ADGRB1: variants seen among roughly 807,000 people sequenced by gnomAD.
ADGRB1 encodes brain-specific angiogenesis inhibitor 1.
Under a neutral mutation model 175.7 loss-of-function variants are expected in ADGRB1, and 36 were observed. The ratio of observed to expected loss-of-function variants is 0.20; its 90% CI spans 0.16 to 0.27. ADGRB1 has a LOEUF of 0.27. ADGRB1 is among the 10% of genes least tolerant of loss of function. ADGRB1 has a pLI of 1.00. For missense variants in ADGRB1, 1,731 were observed against 2,255.3 expected (o/e 0.77, Z 4.71); for synonymous variants, 1,054 against 979.4 (o/e 1.08, Z -1.42).
chr8:142,479,873 C>T, intron 9 of ADGRB1, 79 bp downstream of exon 9: 1 of 1,429,626 alleles, frequency 7.0e-7, no homozygotes, highest in Non-Finnish European at 9.5e-7. Context: ...GTGCTGTCAG[C>T]ACTGGGAGGC....
intron 1 of ADGRB1, among the ~76,000 whole-genome samples, chr8:142,462,648 C>T (rs1049017177): frequency 6.6e-6 from 1 of 152,244 alleles, no homozygotes; most frequent in African/African-American, 2.4e-5. Context: ...GCCTGGGCAG[C>T]AGGAAGCGGC....
At position 142,511,044 on chromosome 8, in the gene ADGRB1, G is replaced by T; in HGVS notation, c.2788G>T (p.Ala930Ser). 2 of 1,291,576 alleles carry T rather than the reference G, an allele frequency of 1.5e-6. No homozygotes were observed. The highest frequency in any genetic ancestry group is 2.0e-6 in the Non-Finnish European group (2 of 1,001,546). 80.0% of individuals were successfully genotyped at this position (1,291,576 alleles called of 1,614,324 possible). The change falls in exon 18 of 31, where the codon GCC becomes TCC. Residue 930 changes from alanine to serine, a missense_variant. This residue lies in a region of ADGRB1 where 77 missense variants were observed against 71.6 expected (regional missense o/e 1.08). Transcript: ENST00000517894. The surrounding 1 kb of genome is among the most constrained non-coding windows in gnomAD (Gnocchi z 4.5). ...CCTCTGTGACCGGCTCTCCACCTTC[G>T]CCATCTTAGCCCAGCTCAGCGCCGA... is the stretch of plus-strand genomic sequence containing the variant. ...RCLCDRLSTF[A>S]ILAQLSADAN...
At chr8:142,454,169 GCA>G (rs1284211575) in intron 1 of ADGRB1, among the ~76,000 whole-genome samples, 1 of 152,162 alleles carries the variant, frequency 6.6e-6, no homozygotes, top group African/African-American at 2.4e-5. Context: ...GAGGCTGAGT[GCA>G]CAGCCTGTTG....
intron 1 of ADGRB1, among the ~76,000 whole-genome samples, chr8:142,463,524 G>GT (rs1340421575): frequency 6.6e-6 from 1 of 152,264 alleles, no homozygotes; most frequent in African/African-American, 2.4e-5. Flanking sequence ...AAGGAGGAAG[G>GT]TTAGAGAGGA....
At chr8:142,518,694 T>G (rs999275594) in intron 19 of ADGRB1, among the ~76,000 whole-genome samples, 2 of 152,240 alleles carry the variant, frequency 1.3e-5, no homozygotes, top group African/African-American at 4.8e-5. Context: ...AGTGGGTTTT[T>G]GGGGCCACCC....
chr8:142,458,344 G>T (rs2131639341), intron 1 of ADGRB1, among the ~76,000 whole-genome samples: 1 of 152,304 alleles, frequency 6.6e-6, no homozygotes, highest in East Asian at 1.9e-4. Context: ...CGTGTGTGCA[G>T]TCTGCACAGG....
chr8:142,517,858 C>T (rs1409160708), intron 18 of ADGRB1, among the ~76,000 whole-genome samples: 1 of 152,202 alleles, frequency 6.6e-6, no homozygotes, highest in Admixed American at 6.5e-5. Flanking sequence ...GACATGATGG[C>T]AGCAAAGACT....
In ADGRB1 at chr8:142,544,813, C is replaced by A; in HGVS notation, c.*396C>A. ...CCGGCCTGGCACCGTTTTTTAAACA[C>A]CCCCATCCCTCGGGAAGCAGCCAGC... On this transcript the variant is annotated 3_prime_UTR_variant, in exon 31 of 31. Coordinates refer to ENST00000517894, the MANE Select transcript of ADGRB1 (RefSeq NM_001702.3). 1 of 159,786 alleles carries A rather than the reference C, an allele frequency of 6.3e-6. No individual in the cohort carries two copies. The highest frequency in any genetic ancestry group is 1.4e-5 in the Non-Finnish European group (1 of 73,282). 9.9% of individuals were successfully genotyped at this position (159,786 alleles called of 1,614,324 possible).
intron 1 of ADGRB1, among the ~76,000 whole-genome samples, chr8:142,454,296 A>G (rs1319124741): frequency 1.3e-5 from 2 of 152,162 alleles, no homozygotes; most frequent in African/African-American, 4.8e-5. Flanking sequence ...CCCCGGTGTG[A>G]GGTGCAGGCA....
At chr8:142,499,999 G>A (rs1398701794) in intron 17 of ADGRB1, among the ~76,000 whole-genome samples, 1 of 151,842 alleles carries the variant, frequency 6.6e-6, no homozygotes, top group Non-Finnish European at 1.5e-5. Flanking sequence ...CATCTCAGCC[G>A]GCCCTAGTCC....
intron 13 of ADGRB1, among the ~76,000 whole-genome samples, chr8:142,487,791 C>A (rs1011104606): frequency 3.9e-5 from 6 of 152,236 alleles, no homozygotes; most frequent in Non-Finnish European, 5.9e-5. Context: ...CCCTTCCGCA[C>A]CCCCAATGCC....
intron 13 of ADGRB1, among the ~76,000 whole-genome samples, chr8:142,487,871 T>C (rs1161686731): frequency 6.6e-6 from 1 of 152,222 alleles, no homozygotes; most frequent in Non-Finnish European, 1.5e-5. Flanking sequence ...CTTTGATGCC[T>C]GAGCCCTGAG....
At chr8:142,499,836 T>A (rs1842405246) in intron 17 of ADGRB1, among the ~76,000 whole-genome samples, 2 of 152,188 alleles carry the variant, frequency 1.3e-5, no homozygotes, top group Admixed American at 1.3e-4. Context: ...GTGCCGGGCC[T>A]TCTGCCAGGA....
intron 18 of ADGRB1, among the ~76,000 whole-genome samples, chr8:142,513,722 G>C (rs567777303): frequency 3.0e-4 from 45 of 152,180 alleles, no homozygotes; most frequent in Non-Finnish European, 5.1e-4. Context: ...CGGGGCTGAG[G>C]CTTGAAGTGG....
At chr8:142,478,895 C>A (rs1187416146) in intron 7 of ADGRB1, among the ~76,000 whole-genome samples, 1 of 124,056 alleles carries the variant, frequency 8.1e-6, no homozygotes, top group African/African-American at 3.2e-5. Context: ...CTTGGGGTAT[C>A]CATGGGGAAG....
At chr8:142,469,543 A>G (rs546939582) in intron 2 of ADGRB1, among the ~76,000 whole-genome samples, 5 of 93,556 alleles carry the variant, frequency 5.3e-5, no homozygotes, top group African/African-American at 2.1e-4. Context: ...ATGTGAGTGT[A>G]TGCACGTGCA....
intron 17 of ADGRB1, among the ~76,000 whole-genome samples, chr8:142,509,341 GT>G (rs374746428): frequency 8.4e-4 from 128 of 152,334 alleles, no homozygotes; most frequent in African/African-American, 3.0e-3. Context: ...GCAAGAGGTG[GT>G]ATAGGTAACT....
chr8:142,488,652 C>T (rs1563704901), intron 14 of ADGRB1, 145 bp downstream of exon 14: 5 of 1,163,086 alleles, frequency 4.3e-6, no homozygotes, highest in Non-Finnish European at 5.9e-6. Context: ...GCCCTCCTTG[C>T]CCTCTCTGGG....
intron 20 of ADGRB1, among the ~76,000 whole-genome samples, 176 bp downstream of exon 20, chr8:142,521,101 C>G (rs1484235829): frequency 6.6e-6 from 1 of 152,172 alleles, no homozygotes; most frequent in South Asian, 2.1e-4. Context: ...GCTGCAGGAG[C>G]CTGTCAGGGG....
Sources: allele counts gnomAD v4.1 joint callset (sites outside exome capture counted in the v4.1 genomes callset), GRCh38; gene constraint gnomAD v4.1.1; regional missense constraint gnomAD v4.1.1; non-coding constraint Gnocchi (gnomAD v3.1); transcripts MANE v1.5; gene names NCBI Gene and HGNC (gene_info 2026-07-23, HGNC 2026-07-21).